The following IQGAP2 variants were observed in gnomAD, a reference collection of about 807,000 sequenced individuals.
IQGAP2 encodes ras GTPase-activating-like protein IQGAP2.
In IQGAP2, 173 loss-of-function variants were observed where a neutral mutation model predicts 201.3. That is an observed-to-expected ratio of 0.86 (90% CI 0.76 to 0.98). The LOEUF (loss-of-function observed/expected upper bound fraction) is 0.98, where lower values mean the gene tolerates loss of function less well. Ranked by LOEUF, IQGAP2 falls within the 50% of genes least tolerant of loss-of-function variation. The pLI, the probability that IQGAP2 is intolerant of heterozygous loss-of-function variation, is 0.00. For missense variants in IQGAP2, 1,687 were observed against 1,864.8 expected, an observed-to-expected ratio of 0.90 and a Z score of 1.76; for synonymous variants, 675 against 673.9, an observed-to-expected ratio of 1.00 and a Z score of -0.03.
At chr5:76,617,313 T>G in intron 13 of IQGAP2, 3 of 319,000 alleles carry the variant, frequency 9.4e-6, no homozygotes, top group African/African-American at 2.1e-5. Flanking sequence ...TAGCTGGGCA[T>G]GGTGGTGTAA....
At chr5:76,690,476 G>T (rs996650900) in intron 30 of IQGAP2, among the ~76,000 whole-genome samples, 1 of 152,176 alleles carries the variant, frequency 6.6e-6, no homozygotes, top group Admixed American at 6.5e-5. Flanking sequence ...GTTTTTCAAA[G>T]GTCTCTCTCC....
intron 2 of IQGAP2, among the ~76,000 whole-genome samples, chr5:76,538,360 G>C (rs962826030): frequency 2.9e-4 from 10 of 35,060 alleles, no homozygotes; most frequent in African/African-American, 1.9e-3. Context: ...CCATATCAAG[G>C]GGGGGTAAGG....
At chr5:76,435,988 A>AG (rs750998079) in intron 1 of IQGAP2, among the ~76,000 whole-genome samples, 5 of 151,912 alleles carry the variant, frequency 3.3e-5, no homozygotes, top group Admixed American at 6.6e-5. Context: ...CTATTGTAAA[A>AG]GGGATTGAGC....
At chr5:76,676,342 A>G (rs1335902930) in intron 27 of IQGAP2, among the ~76,000 whole-genome samples, 1 of 152,218 alleles carries the variant, frequency 6.6e-6, no homozygotes, top group Non-Finnish European at 1.5e-5. Context: ...CGACTGTTAC[A>G]TGGGAACATG....
chr5:76,654,979 G>A lies in IQGAP2; in HGVS notation c.2296G>A (p.Ala766Thr). The A allele has an allele frequency of 1.2e-6, 2 of 1,612,568 alleles. No homozygotes were observed. The highest frequency in any genetic ancestry group is 1.1e-5 in the South Asian group (1 of 90,972). Residue 766 changes from alanine (A) to threonine (T), a missense_variant, in exon 20 of 36, where the codon GCT (alanine) becomes ACT (threonine). Ala to Thr is a moderately conservative substitution (Grantham distance 58). Transcript: ENST00000274364. ...KIQSLLRANK[A>T]RDDYKTLVGS... ...ACAGTCACTGTTGAGAGCGAACAAAGCTAGAGATGACTACAAAACATTGGG... is the reference window on the plus strand; with the variant it reads ...ACAGTCACTGTTGAGAGCGAACAAAACTAGAGATGACTACAAAACATTGGG...
intron 2 of IQGAP2, among the ~76,000 whole-genome samples, chr5:76,526,720 C>T (rs891584786): frequency 1.3e-5 from 2 of 152,050 alleles, no homozygotes; most frequent in African/African-American, 4.8e-5. Flanking sequence ...CTAGAAGGGG[C>T]GGGACCACTG....
intron 2 of IQGAP2, among the ~76,000 whole-genome samples, chr5:76,493,287 A>C (rs1005641245): frequency 3.8e-4 from 48 of 126,608 alleles, no homozygotes; most frequent in African/African-American, 7.7e-4. Flanking sequence ...GCCCCTCACC[A>C]CCCCTCTGGC....
chr5:76,520,408 C>T (rs1023382682), intron 2 of IQGAP2, among the ~76,000 whole-genome samples: 4 of 152,286 alleles, frequency 2.6e-5, no homozygotes, highest in East Asian at 3.9e-4. Flanking sequence ...GAGATCTGCC[C>T]GCCTCAGCCT....
intron 2 of IQGAP2, among the ~76,000 whole-genome samples, chr5:76,495,763 G>T (rs1005698768): frequency 6.6e-6 from 1 of 152,164 alleles, no homozygotes; most frequent in Non-Finnish European, 1.5e-5. Context: ...GAGAGGGAGA[G>T]AGAAGGGGGA....
At chr5:76,512,785 G>A (rs540057276) in intron 2 of IQGAP2, among the ~76,000 whole-genome samples, 3 of 152,322 alleles carry the variant, frequency 2.0e-5, no homozygotes, top group Admixed American at 6.5e-5. Context: ...GGCTGGGCGC[G>A]GTGGCTCACG....
At chr5:76,529,003 G>A (rs571531105) in intron 2 of IQGAP2, among the ~76,000 whole-genome samples, 202 of 152,342 alleles carry the variant, frequency 1.3e-3, no homozygotes, top group Non-Finnish European at 2.4e-3. Context: ...TACCCAAGTT[G>A]TAACTGGAGA....
intron 1 of IQGAP2, among the ~76,000 whole-genome samples, chr5:76,429,076 CAA>C (rs58775525): frequency 7.2e-6 from 1 of 138,372 alleles, no homozygotes. Flanking sequence ...GACTCTGTCT[CAA>C]AAAAAAAAAA....
intron 2 of IQGAP2, among the ~76,000 whole-genome samples, chr5:76,472,052 G>A (rs1157176174): frequency 1.3e-5 from 2 of 152,166 alleles, no homozygotes; most frequent in African/African-American, 2.4e-5. Flanking sequence ...TGTTCCATGC[G>A]GCAGCTGGTG....
At chr5:76,607,621 T>C (rs929440072) in intron 12 of IQGAP2, 1 of 152,128 alleles carries the variant, frequency 6.6e-6, no homozygotes, top group Admixed American at 6.5e-5. Flanking sequence ...GGCTTGGGAG[T>C]TTATGGTTCT....
At chr5:76,647,840 CACACACACACAA>C (rs1411081454) in intron 17 of IQGAP2, among the ~76,000 whole-genome samples, 6 of 151,756 alleles carry the variant, frequency 4.0e-5, no homozygotes, top group Non-Finnish European at 7.4e-5. Flanking sequence ...CACACACACA[CACACACACACAA>C]ACGAAAAAAA....
chr5:76,656,402 T>C (rs372895474), intron 20 of IQGAP2, among the ~76,000 whole-genome samples: 159 of 152,132 alleles, frequency 1.0e-3, no homozygotes, highest in African/African-American at 3.7e-3. Flanking sequence ...AGGATGGTCT[T>C]AATCTCCTGA....
intron 2 of IQGAP2, among the ~76,000 whole-genome samples, chr5:76,518,294 A>T (rs1218077865): frequency 6.6e-6 from 1 of 152,226 alleles, no homozygotes; most frequent in Non-Finnish European, 1.5e-5. Flanking sequence ...TTACAGTTCC[A>T]TGTGGCTGGG....
At chr5:76,509,095 A>G (rs950627727) in intron 2 of IQGAP2, among the ~76,000 whole-genome samples, 8 of 151,350 alleles carry the variant, frequency 5.3e-5, no homozygotes, top group African/African-American at 1.9e-4. Flanking sequence ...GTGTGTGTGT[A>G]TATATATATT....
intron 1 of IQGAP2, among the ~76,000 whole-genome samples, chr5:76,407,255 C>T (rs1284719796): frequency 6.6e-6 from 1 of 152,140 alleles, no homozygotes; most frequent in East Asian, 1.9e-4. Flanking sequence ...GTGTGAGTCA[C>T]CACACCTGGC....
Sources: gnomAD v4.1 joint callset for allele counts (sites outside exome capture counted in the v4.1 genomes callset) on GRCh38, gnomAD v4.1.1 for gene constraint, MANE v1.5 for transcripts, NCBI Gene and HGNC (gene_info 2026-07-23, HGNC 2026-07-21) for gene names.